TSPAN16: variants seen among roughly 807,000 people sequenced by gnomAD.
TSPAN16 encodes the protein tetraspanin-16.
TSPAN16 carries 23 observed loss-of-function variants against 25.2 expected under a neutral mutation model. The observed-to-expected ratio is 0.91, with a 90% CI of 0.66 to 1.29. The LOEUF is 1.29. Among genes scored for constraint, TSPAN16 ranks in the 50% most tolerant of loss-of-function variants. The pLI is 0.00. For synonymous variants in TSPAN16, 123 were observed against 124.4 expected (o/e 0.99, Z 0.08); for missense variants, 272 against 299.9 (o/e 0.91, Z 0.69).
rs565030058 is a variant in TSPAN16, at chr19:11,306,289, G to A, written c.451-315G>A. Among the ~76,000 whole-genome samples the A allele has an allele frequency of 4.6e-5, 7 of 152,002 alleles. No individual in the cohort carries two copies. In the South Asian group the frequency reaches 8.3e-4, roughly 18 times the overall value. On this transcript the variant is annotated intron_variant, in intron 4 of 6. Transcript: ENST00000590327. ...GCTCACTGCAGCCTTGATCTCCCGG[G>A]CTCAAGAGATCCTCTAGCCTGAGCC...
downstream of TSPAN16, among the ~76,000 whole-genome samples, chr19:11,317,822 C>CAA (rs56013789): frequency 7.0e-5 from 9 of 129,020 alleles, no homozygotes; most frequent in African/African-American, 2.5e-4. Context: ...TACACTGTCT[C>CAA]AAAAAAAAAA....
At chr19:11,326,929 T>A (rs2080817169) in exon 7 of TSPAN16, 2 of 518,004 alleles carry the variant, frequency 3.9e-6, no homozygotes, top group Admixed American at 7.4e-5. Context: ...CTTTTAAGGT[T>A]CCTGAGGGTC....
chr19:11,326,165 T>G (rs2080811416), intron 6 of TSPAN16, among the ~76,000 whole-genome samples: 1 of 150,114 alleles, frequency 6.7e-6, no homozygotes, highest in Non-Finnish European at 1.5e-5. Flanking sequence ...GAGGTTATAG[T>G]GAGCTGAGAT....
At chr19:11,319,515 C>T (rs2080765316), downstream of TSPAN16, among the ~76,000 whole-genome samples, 1 of 152,098 alleles carries the variant, frequency 6.6e-6, no homozygotes, top group South Asian at 2.1e-4. Context: ...AGAAGAATCG[C>T]TTGAACCGGG....
intron 3 of TSPAN16, among the ~76,000 whole-genome samples, chr19:11,300,093 G>C (rs2080527777): frequency 6.6e-6 from 1 of 152,176 alleles, no homozygotes; most frequent in African/African-American, 2.4e-5. Context: ...GTGGAATCCT[G>C]TACATCAGGT....
intron 5 of TSPAN16, chr19:11,307,872 T>G (rs775411444): frequency 6.6e-6 from 1 of 152,210 alleles, no homozygotes; most frequent in Non-Finnish European, 1.5e-5. Context: ...AAACTGAGGC[T>G]CGGGGAGGGG....
intron 1 of TSPAN16, among the ~76,000 whole-genome samples, chr19:11,297,826 C>G (rs552573457): frequency 6.6e-6 from 1 of 152,210 alleles, no homozygotes; most frequent in Non-Finnish European, 1.5e-5. Flanking sequence ...AGGTCTTGAT[C>G]TGTCATCCAG....
At chr19:11,317,558 G>A (rs1376493419), downstream of TSPAN16, among the ~76,000 whole-genome samples, 5 of 151,720 alleles carry the variant, frequency 3.3e-5, no homozygotes, top group South Asian at 2.1e-4. Flanking sequence ...GCAATGGCAC[G>A]ATCTTGGCTC....
downstream of TSPAN16, chr19:11,316,086 G>GGTGTGTGT (rs147500274): frequency 0.015 from 3,870 of 257,460 alleles, 89 homozygotes; most frequent in African/African-American, 0.04. Context: ...AATTATTCTT[G>GGTGTGTGT]GTGTGTGTGT....
intron 6 of TSPAN16, chr19:11,323,168 T>C (rs1367222313): frequency 6.9e-6 from 1 of 144,920 alleles, no homozygotes; most frequent in Non-Finnish European, 1.5e-5. Flanking sequence ...AGAAGTCTTT[T>C]TGAAGCTACT....
At chr19:11,319,272 A>G (rs2080764078), downstream of TSPAN16, among the ~76,000 whole-genome samples, 1 of 152,202 alleles carries the variant, frequency 6.6e-6, no homozygotes, top group South Asian at 2.1e-4. Context: ...ATCTCAGGCA[A>G]GTGTTTTACT....
In TSPAN16 at chr19:11,298,912, C is replaced by T. The variant is rs774266317; in HGVS notation, c.308C>T (p.Thr103Ile). ...SMVIVLIMEV[T>I]AATVVLLFFP... ...GTTATTGTCCTCATCATGGAAGTTA[C>T]AGCTGCCACAGTGGTCCTTCTTTTC... is the stretch of plus-strand genomic sequence containing the variant. The change falls in exon 3 of 7, where the codon ACA (threonine) becomes ATA (isoleucine). Residue 103 changes from threonine (T) to isoleucine (I), a missense_variant. By Grantham distance (89) the Thr-to-Ile change is moderately conservative. Transcript: ENST00000590327. 6.2e-7 allele frequency: 1 copy of T among 1,614,142 alleles called. No homozygotes were observed. The highest frequency in any genetic ancestry group is 8.5e-7 in the Non-Finnish European group (1 of 1,180,008).
intron 5 of TSPAN16, among the ~76,000 whole-genome samples, chr19:11,310,511 G>T: frequency 9.7e-6 from 1 of 103,278 alleles, no homozygotes; most frequent in Non-Finnish European, 1.8e-5. Context: ...GCCAAATTCC[G>T]TCTCAAAAAA....
At chr19:11,318,483 T>C (rs957605888), downstream of TSPAN16, among the ~76,000 whole-genome samples, 3 of 151,348 alleles carry the variant, frequency 2.0e-5, no homozygotes, top group Non-Finnish European at 4.4e-5. Context: ...CTAATTTAAT[T>C]GAACTGGGCT....
At chr19:11,320,002 T>G (rs1442543334), downstream of TSPAN16, among the ~76,000 whole-genome samples, 1 of 151,352 alleles carries the variant, frequency 6.6e-6, no homozygotes, top group East Asian at 2.0e-4. Flanking sequence ...GTATTTTCAG[T>G]GGAGACGGGG....
intron 6 of TSPAN16, among the ~76,000 whole-genome samples, chr19:11,313,951 A>T (rs897960136): frequency 2.0e-5 from 3 of 152,204 alleles, no homozygotes; most frequent in East Asian, 1.9e-4. Flanking sequence ...AAAGTAGATA[A>T]AACCCAAATG....
chr19:11,306,393 C>T (rs1246917600), intron 4 of TSPAN16, among the ~76,000 whole-genome samples: 1 of 151,798 alleles, frequency 6.6e-6, no homozygotes, highest in Non-Finnish European at 1.5e-5. Flanking sequence ...TGGGGTCTCA[C>T]CCTGTTGCCC....
intron 6 of TSPAN16, among the ~76,000 whole-genome samples, chr19:11,314,759 A>G (rs1250708595): frequency 6.6e-6 from 1 of 152,046 alleles, no homozygotes; most frequent in Non-Finnish European, 1.5e-5. Flanking sequence ...AAGGGCATGA[A>G]GAGGGTAGGA....
intron 6 of TSPAN16, chr19:11,325,529 C>A (rs755598316): frequency 1.5e-5 from 24 of 1,613,608 alleles, no homozygotes; most frequent in Non-Finnish European, 1.8e-5. Context: ...ACCAGGCGCT[C>A]GAAGACCTGC....
Sources: gnomAD v4.1 joint callset for allele counts (sites outside exome capture counted in the v4.1 genomes callset) on GRCh38, gnomAD v4.1.1 for gene constraint, MANE v1.5 for transcripts, NCBI Gene and HGNC (gene_info 2026-07-23, HGNC 2026-07-21) for gene names.